ZNF385D: variants seen among roughly 807,000 people sequenced by gnomAD.
The protein encoded by ZNF385D is zinc finger protein 385D, also known as zinc finger protein 659.
A neutral mutation model predicts 35.8 loss-of-function variants in ZNF385D; 15 were observed. That is an observed-to-expected ratio of 0.42 (90% CI 0.28 to 0.64). The LOEUF is 0.64. Ranked by LOEUF, ZNF385D falls within the 30% of genes least tolerant of loss-of-function variation. The pLI, the probability that ZNF385D is intolerant of heterozygous loss-of-function variation, is 0.23. For missense variants in ZNF385D, 474 were observed against 494.6 expected (o/e 0.96, Z 0.39); for synonymous variants, 212 against 186.8 (o/e 1.13, Z -1.10).
intron 4 of ZNF385D, among the ~76,000 whole-genome samples, chr3:21,471,295 TCACACACACACA>T (rs151185506): frequency 0.012 from 1,018 of 86,222 alleles, 27 homozygotes; most frequent in African/African-American, 0.04. Context: ...TCTCTCTCTC[TCACACACACACA>T]CACACACACA....
At chr3:21,552,469 T>A (rs192411328) in intron 3 of ZNF385D, among the ~76,000 whole-genome samples, 25 of 152,338 alleles carry the variant, frequency 1.6e-4, no homozygotes. Context: ...ACTCTTGTAT[T>A]TCAATTCTGC....
intron 3 of ZNF385D, among the ~76,000 whole-genome samples, chr3:21,848,503 A>C (rs12489919): frequency 0.25 from 38,602 of 151,748 alleles, 5,204 homozygotes; most frequent in Middle Eastern, 0.3. Flanking sequence ...TACCTAAAAT[A>C]AGAAAAAAAG....
At position 21,413,329 on chromosome 3, in the gene ZNF385D, T is replaced by G. The variant is rs966713493; in HGVS notation, c.*7885A>C. The G allele has an allele frequency of 7.2e-5, 11 of 152,088 alleles. No individual in the cohort carries two copies. In the South Asian group the frequency reaches 2.3e-3, roughly 31 times the overall value. The allele number at this position is 152,088 out of a possible 1,614,324, so 9.4% of individuals were successfully genotyped here. Reference sequence around the variant, plus strand: ...AGCGTTTTGGCTTCTGGTACTCAAGTCAGACTTCCAGATACATTGATAAAG... The same window carrying G: ...AGCGTTTTGGCTTCTGGTACTCAAGGCAGACTTCCAGATACATTGATAAAG... On this transcript the variant is annotated 3_prime_UTR_variant, in exon 8 of 8. Coordinates refer to ENST00000281523, the MANE Select transcript of ZNF385D (RefSeq NM_024697.3).
At chr3:21,884,606 C>T (rs1219642957) in intron 3 of ZNF385D, among the ~76,000 whole-genome samples, 3 of 152,054 alleles carry the variant, frequency 2.0e-5, no homozygotes, top group Non-Finnish European at 4.4e-5. Flanking sequence ...ACTAAAAACA[C>T]AGGCAATAAA....
At chr3:22,184,830 T>C (rs938460328) in intron 2 of ZNF385D, among the ~76,000 whole-genome samples, 1 of 152,056 alleles carries the variant, frequency 6.6e-6, no homozygotes, top group Non-Finnish European at 1.5e-5. Context: ...AAAGGACAAA[T>C]GGACTACATT....
At chr3:21,590,141 C>T (rs567578640) in intron 2 of ZNF385D, among the ~76,000 whole-genome samples, 1 of 152,156 alleles carries the variant, frequency 6.6e-6, no homozygotes, top group South Asian at 2.1e-4. Flanking sequence ...GGTCTATTCA[C>T]ACAGCAGATT....
rs35586361 is a variant in ZNF385D, at chr3:21,694,042, C to CTTTTTTTTTT, written c.23-29024_23-29015dup. ...TACAGGCGCGTGCCACTACGCCTGG[C>CTTTTTTTTTT]TTTTTTTTTTTTTTTTTTTGAGACA... On this transcript the variant is annotated intron_variant, in intron 1 of 7. Transcript: ENST00000281523. Among the ~76,000 whole-genome samples, 136 of 22,168 alleles carry CTTTTTTTTTT rather than the reference C, an allele frequency of 6.1e-3. 33 individuals are homozygous for CTTTTTTTTTT. The highest frequency in any genetic ancestry group is 0.026 in the African/African-American group (126 of 4,756). The allele number at this position is 22,168 out of a possible 152,430, so 14.5% of individuals were successfully genotyped here.
chr3:21,458,279 C>T (rs1702945406), intron 4 of ZNF385D, among the ~76,000 whole-genome samples: 1 of 149,986 alleles, frequency 6.7e-6, no homozygotes, highest in African/African-American at 2.5e-5. Flanking sequence ...TCGAGACCAG[C>T]CTGAGCAACA....
chr3:21,504,816 G>A (rs1201483016), intron 4 of ZNF385D, among the ~76,000 whole-genome samples: 2 of 152,126 alleles, frequency 1.3e-5, no homozygotes, highest in African/African-American at 4.8e-5. Flanking sequence ...TGTGATCCTG[G>A]GGTCCAGCAC....
intron 1 of ZNF385D, among the ~76,000 whole-genome samples, chr3:21,725,582 G>C (rs1016957955): frequency 6.6e-6 from 1 of 152,116 alleles, no homozygotes; most frequent in Non-Finnish European, 1.5e-5. Flanking sequence ...AGAAAATCTA[G>C]AATAAATGGA....
chr3:22,014,145 A>C (rs2125442604), intron 3 of ZNF385D, among the ~76,000 whole-genome samples: 1 of 152,302 alleles, frequency 6.6e-6, no homozygotes, highest in South Asian at 2.1e-4. Flanking sequence ...GAAGGTTTTA[A>C]TATTTACAAC....
At chr3:21,748,864 G>C (rs2069913707) in intron 1 of ZNF385D, among the ~76,000 whole-genome samples, 1 of 152,088 alleles carries the variant, frequency 6.6e-6, no homozygotes, top group Non-Finnish European at 1.5e-5. Context: ...GGATGCTATT[G>C]AATTTTAACA....
At chr3:21,845,536 A>G (rs1037701881) in intron 3 of ZNF385D, among the ~76,000 whole-genome samples, 3 of 152,056 alleles carry the variant, frequency 2.0e-5, no homozygotes, top group African/African-American at 7.2e-5. Context: ...TTAGAAAGAT[A>G]AACTGAACAA....
intron 3 of ZNF385D, among the ~76,000 whole-genome samples, chr3:21,537,662 C>T (rs2062069041): frequency 6.6e-6 from 1 of 152,092 alleles, no homozygotes; most frequent in Admixed American, 6.5e-5. Flanking sequence ...CAGTGCCTCA[C>T]ATAGTCTTGG....
At chr3:21,488,566 C>T (rs973332378) in intron 4 of ZNF385D, among the ~76,000 whole-genome samples, 4 of 152,132 alleles carry the variant, frequency 2.6e-5, no homozygotes, top group African/African-American at 9.6e-5. Context: ...TTTTACTACT[C>T]TCTCATGAAA....
At position 21,976,423 on chromosome 3, in the gene ZNF385D, T is replaced by G. The variant is rs1019517629; in HGVS notation, c.325+192394A>C. On this transcript the variant is annotated intron_variant, in intron 3 of 5. Coordinates refer to the ZNF385D transcript ENST00000494108. ...TAAGAGGATGATCACATGGAGAATT[T>G]TGAATTGAAAAAATACAATAACTAA... Among the ~76,000 whole-genome samples, 5 of 152,272 alleles carry G rather than the reference T, an allele frequency of 3.3e-5. No individual in the cohort carries two copies. The East Asian group carries it at 5.8e-4, about 18-fold the overall frequency.
intron 3 of ZNF385D, among the ~76,000 whole-genome samples, chr3:22,070,818 T>C (rs898068293): frequency 6.6e-6 from 1 of 152,194 alleles, no homozygotes; most frequent in Non-Finnish European, 1.5e-5. Flanking sequence ...TCCAATGATA[T>C]AATTTATAAA....
chr3:21,884,422 T>G (rs259561), intron 3 of ZNF385D, among the ~76,000 whole-genome samples: 86,892 of 151,674 alleles, frequency 0.57, 25,103 homozygotes, highest in South Asian at 0.71. Flanking sequence ...TCCCCTAGAA[T>G]AGTTGTGTGG....
chr3:22,310,332 T>C (rs1461028275), intron 2 of ZNF385D, among the ~76,000 whole-genome samples: 1 of 151,958 alleles, frequency 6.6e-6, no homozygotes, highest in Non-Finnish European at 1.5e-5. Context: ...AGCTGTTACA[T>C]AAAAGGGCCT....
Sources: gnomAD v4.1 joint callset for allele counts (sites outside exome capture counted in the v4.1 genomes callset) on GRCh38, gnomAD v4.1.1 for gene constraint, MANE v1.5 for transcripts, NCBI Gene and HGNC (gene_info 2026-07-23, HGNC 2026-07-21) for gene names.